Variants in CRPPA observed in about 807,000 individuals in gnomAD.
CRPPA encodes the protein D-ribitol-5-phosphate cytidylyltransferase.
In CRPPA, 43 loss-of-function variants were observed where a neutral mutation model predicts 52.0. That is an observed-to-expected ratio of 0.83 (90% CI 0.65 to 1.07). The LOEUF is 1.07. Among genes scored for constraint, CRPPA ranks in the 50% least tolerant of loss-of-function variants. The pLI, the probability that CRPPA is intolerant of heterozygous loss-of-function variation, is 0.00. For missense variants in CRPPA, 629 were observed against 551.7 expected (o/e 1.14, Z -1.40); for synonymous variants, 250 against 203.5 (o/e 1.23, Z -1.94).
chr7:16,343,488 C>T (rs746763068), intron 3 of CRPPA, among the ~76,000 whole-genome samples: 29 of 152,102 alleles, frequency 1.9e-4, no homozygotes, highest in Admixed American at 2.0e-4. Context: ...CTGCCATATT[C>T]GACCTGTCTC....
chr7:16,365,620 A>G (rs1177612243), intron 3 of CRPPA, among the ~76,000 whole-genome samples: 2 of 152,134 alleles, frequency 1.3e-5, no homozygotes, highest in Non-Finnish European at 2.9e-5. Flanking sequence ...ATCTCTCTTT[A>G]TAAAGATGAA....
intron 3 of CRPPA, among the ~76,000 whole-genome samples, chr7:16,364,167 G>A (rs755030730): frequency 1.2e-4 from 19 of 152,164 alleles, no homozygotes; most frequent in Admixed American, 5.9e-4. Flanking sequence ...AGTTAAAGTT[G>A]TGTCTTTTTA....
intron 5 of CRPPA, among the ~76,000 whole-genome samples, chr7:16,288,383 T>TA (rs565263234): frequency 1.3e-3 from 195 of 148,442 alleles, no homozygotes; most frequent in Admixed American, 1.8e-3. Context: ...CTATATATTC[T>TA]AAAAAAAAAA....
intron 9 of CRPPA, among the ~76,000 whole-genome samples, chr7:16,144,171 C>T (rs1289301352): frequency 6.6e-6 from 1 of 152,166 alleles, no homozygotes; most frequent in East Asian, 1.9e-4. Flanking sequence ...AATGTTGTTC[C>T]TGTATGGAGC....
chr7:16,272,073 A>G (rs576695279), intron 6 of CRPPA, among the ~76,000 whole-genome samples: 2 of 152,282 alleles, frequency 1.3e-5, no homozygotes, highest in East Asian at 3.9e-4. Flanking sequence ...AAAACTGTCT[A>G]CCACCCTGAT....
At chr7:16,335,563 G>C (rs75872774) in intron 3 of CRPPA, among the ~76,000 whole-genome samples, 1,593 of 152,288 alleles carry the variant, frequency 0.01, 36 homozygotes, top group African/African-American at 0.037. Context: ...AACTCACAGA[G>C]AGGACATCTG....
At chr7:16,237,623 C>A (rs1782987754) in intron 8 of CRPPA, among the ~76,000 whole-genome samples, 1 of 152,172 alleles carries the variant, frequency 6.6e-6, no homozygotes, top group Non-Finnish European at 1.5e-5. Flanking sequence ...TATTGTACTG[C>A]AGTAGCCTCC....
At chr7:16,328,929 G>C (rs1785482551) in intron 3 of CRPPA, among the ~76,000 whole-genome samples, 1 of 152,058 alleles carries the variant, frequency 6.6e-6, no homozygotes, top group Admixed American at 6.6e-5. Context: ...CACACAGTTT[G>C]GGCCATAGGA....
At chr7:16,154,594 A>C (rs924169305) in intron 9 of CRPPA, among the ~76,000 whole-genome samples, 20 of 152,240 alleles carry the variant, frequency 1.3e-4, no homozygotes, top group African/African-American at 4.8e-4. Context: ...TATTAGTTAT[A>C]AAAGTCATCA....
At chr7:16,401,125 T>C (rs1029201064) in intron 2 of CRPPA, among the ~76,000 whole-genome samples, 1 of 152,180 alleles carries the variant, frequency 6.6e-6, no homozygotes, top group African/African-American at 2.4e-5. Context: ...GTTCAAAGCC[T>C]CTAATCACAT....
At chr7:16,218,992 T>G (rs891406383) in intron 8 of CRPPA, among the ~76,000 whole-genome samples, 1 of 152,090 alleles carries the variant, frequency 6.6e-6, no homozygotes, top group African/African-American at 2.4e-5. Flanking sequence ...AATATACATT[T>G]TTTTCAGCAC....
chr7:16,139,168 C>T lies in CRPPA; in HGVS notation c.1252-47369G>A, dbSNP rs148554523. 3.3e-5 allele frequency among the ~76,000 whole-genome samples: 5 copies of T among 152,266 alleles called. No homozygotes were observed. In the East Asian group the frequency reaches 7.7e-4, roughly 24 times the overall value. On this transcript the variant is annotated intron_variant, in intron 9 of 9. Transcript: ENST00000407010. ...TTAAAACTAATAATTGAGGAAGAGG[C>T]AGCGTGGAGTATTTGGAGGAATCCA...
chr7:16,357,298 C>T (rs1266152191), intron 3 of CRPPA, among the ~76,000 whole-genome samples: 2 of 152,242 alleles, frequency 1.3e-5, no homozygotes, highest in Admixed American at 6.5e-5. Flanking sequence ...CATGCCTCAG[C>T]CTCCCAAGTA....
chr7:16,122,680 C>T lies in CRPPA; in HGVS notation c.1252-30881G>A, dbSNP rs544236180. On this transcript the variant is annotated intron_variant, in intron 9 of 9. Coordinates refer to ENST00000407010, the MANE Select transcript of CRPPA (RefSeq NM_001101426.4). Reference sequence around the variant, plus strand: ...CAAAAATGAAGTAAAAACATAAACTCATCTAGATTATCTATGAAAACTGTA... The same window carrying T: ...CAAAAATGAAGTAAAAACATAAACTTATCTAGATTATCTATGAAAACTGTA... 3.9e-5 allele frequency among the ~76,000 whole-genome samples: 6 copies of T among 152,032 alleles called. No homozygotes were observed. The South Asian group carries it at 1.2e-3, about 31-fold the overall frequency.
chr7:16,096,599 A>G (rs189403274), intron 9 of CRPPA, among the ~76,000 whole-genome samples: 95 of 152,270 alleles, frequency 6.2e-4, no homozygotes, highest in Admixed American at 9.2e-4. Context: ...TCACTTCATA[A>G]CAGTGTCAAT....
intron 9 of CRPPA, among the ~76,000 whole-genome samples, chr7:16,148,260 C>T (rs1355677764): frequency 4.6e-5 from 7 of 152,094 alleles, no homozygotes; most frequent in Non-Finnish European, 1.0e-4. Context: ...AAAAATACAA[C>T]TGTGACATGA....
At chr7:16,338,150 T>C (rs969787348) in intron 3 of CRPPA, among the ~76,000 whole-genome samples, 2 of 152,090 alleles carry the variant, frequency 1.3e-5, no homozygotes, top group African/African-American at 4.8e-5. Context: ...GAAAAAAATA[T>C]TAGCAAACCA....
chr7:16,110,042 T>C (rs75481407), intron 9 of CRPPA, among the ~76,000 whole-genome samples: 14,151 of 151,804 alleles, frequency 0.093, 816 homozygotes, highest in African/African-American at 0.15. Flanking sequence ...TATATATATA[T>C]AGAAAGCTGT....
chr7:16,129,500 C>T (rs943049027), intron 9 of CRPPA, among the ~76,000 whole-genome samples: 12 of 152,124 alleles, frequency 7.9e-5, no homozygotes, highest in Middle Eastern at 3.4e-3. Flanking sequence ...CTTTTTAGCA[C>T]GTCTTTGTCC....
Sources: gnomAD v4.1 joint callset for allele counts (sites outside exome capture counted in the v4.1 genomes callset) on GRCh38, gnomAD v4.1.1 for gene constraint, MANE v1.5 for transcripts, NCBI Gene and HGNC (gene_info 2026-07-23, HGNC 2026-07-21) for gene names.